CYYR1: variants seen among roughly 807,000 people sequenced by gnomAD.
CYYR1 encodes the protein cysteine and tyrosine rich 1.
A neutral mutation model predicts 15.2 loss-of-function variants in CYYR1; 14 were observed. The ratio of observed to expected loss-of-function variants is 0.92; its 90% CI spans 0.61 to 1.44. The LOEUF (loss-of-function observed/expected upper bound fraction) is 1.44, where lower values mean the gene tolerates loss of function less well. CYYR1 is among the 40% of genes most tolerant of loss of function. The pLI, the probability that CYYR1 is intolerant of heterozygous loss-of-function variation, is 0.00. For missense variants in CYYR1, 228 were observed against 209.5 expected, an observed-to-expected ratio of 1.09 and a Z score of -0.54; for synonymous variants, 80 against 77.4, an observed-to-expected ratio of 1.03 and a Z score of -0.18.
intron 2 of CYYR1, among the ~76,000 whole-genome samples, chr21:26,543,569 C>G (rs1978724779): frequency 6.6e-6 from 1 of 152,170 alleles, no homozygotes. Flanking sequence ...TGAAGTTGCA[C>G]ACAATCATCT....
chr21:26,495,688 C>T (rs528396919), intron 2 of CYYR1, among the ~76,000 whole-genome samples: 3 of 152,264 alleles, frequency 2.0e-5, no homozygotes, highest in Non-Finnish European at 2.9e-5. Flanking sequence ...GAGAGCCACA[C>T]GGGTGAACTG....
intron 2 of CYYR1, among the ~76,000 whole-genome samples, chr21:26,482,702 A>G (rs62216506): frequency 0.39 from 58,596 of 151,948 alleles, 11,780 homozygotes; most frequent in South Asian, 0.45. Flanking sequence ...CTAAACTGCA[A>G]GACATTATTT....
intron 2 of CYYR1, among the ~76,000 whole-genome samples, chr21:26,549,403 T>C (rs1979218376): frequency 6.6e-6 from 1 of 152,204 alleles, no homozygotes; most frequent in East Asian, 1.9e-4. Context: ...CATTTTAATA[T>C]TGTACTCTTT....
chr21:26,476,585 CATCTATCTATCT>C (rs11450529), intron 3 of CYYR1, among the ~76,000 whole-genome samples: 2,180 of 143,836 alleles, frequency 0.015, 46 homozygotes, highest in Non-Finnish European at 0.022. Context: ...CCCTATCTAT[CATCTATCTATCT>C]ATCTATCTAT....
chr21:26,562,799 A>AACACACACACAC (rs57351372), intron 2 of CYYR1, among the ~76,000 whole-genome samples: 9,180 of 132,444 alleles, frequency 0.069, 512 homozygotes, highest in African/African-American at 0.12. Context: ...GACATACACA[A>AACACACACACAC]ACACACACAC....
At chr21:26,478,048 C>A (rs2065125833) in intron 3 of CYYR1, 1 of 1,547,666 alleles carries the variant, frequency 6.5e-7, no homozygotes, top group African/African-American at 1.4e-5. Context: ...CAGCTGAGTG[C>A]CCATTATGTA....
chr21:26,507,688 C>A (rs1309274523), intron 2 of CYYR1, among the ~76,000 whole-genome samples: 1 of 152,162 alleles, frequency 6.6e-6, no homozygotes, highest in Non-Finnish European at 1.5e-5. Flanking sequence ...CAAGTAAGAA[C>A]AAGTTCGATA....
intron 2 of CYYR1, among the ~76,000 whole-genome samples, chr21:26,538,981 T>C (rs1978360572): frequency 2.0e-5 from 3 of 152,274 alleles, no homozygotes; most frequent in South Asian, 4.1e-4. Flanking sequence ...TACTATAATT[T>C]TGAAACAATG....
intron 3 of CYYR1, among the ~76,000 whole-genome samples, chr21:26,468,926 C>A (rs892710475): frequency 2.8e-5 from 4 of 141,656 alleles, no homozygotes; most frequent in Admixed American, 1.5e-4. Flanking sequence ...AGCACTGAAG[C>A]GGGAGAGCCC....
intron 2 of CYYR1, among the ~76,000 whole-genome samples, chr21:26,552,567 C>T (rs1979473414): frequency 6.6e-6 from 1 of 151,880 alleles, no homozygotes; most frequent in African/African-American, 2.4e-5. Flanking sequence ...CCTTTTCTGC[C>T]TTCTTTTCAG....
intron 2 of CYYR1, among the ~76,000 whole-genome samples, chr21:26,549,916 T>C (rs2123680927): frequency 6.6e-6 from 1 of 152,140 alleles, no homozygotes; most frequent in Non-Finnish European, 1.5e-5. Flanking sequence ...GTCAGGTGAG[T>C]TTCAAGAAAC....
At chr21:26,497,492 C>T (rs930369218) in intron 2 of CYYR1, among the ~76,000 whole-genome samples, 1 of 152,266 alleles carries the variant, frequency 6.6e-6, no homozygotes, top group African/African-American at 2.4e-5. Flanking sequence ...GGTTATACAG[C>T]CTTCAGCCCT....
intron 2 of CYYR1, among the ~76,000 whole-genome samples, chr21:26,528,876 G>A (rs1303758865): frequency 6.6e-6 from 1 of 152,094 alleles, no homozygotes; most frequent in East Asian, 1.9e-4. Flanking sequence ...AGAGATGGAG[G>A]AACATTCAAA....
chr21:26,500,009 C>T (rs1315074690), intron 2 of CYYR1, among the ~76,000 whole-genome samples: 3 of 151,968 alleles, frequency 2.0e-5, no homozygotes, highest in South Asian at 2.1e-4. Context: ...ATTTATTTCT[C>T]ATAGTTCTGG....
intron 2 of CYYR1, among the ~76,000 whole-genome samples, chr21:26,535,785 A>G (rs1978295974): frequency 6.6e-6 from 1 of 152,092 alleles, no homozygotes; most frequent in African/African-American, 2.4e-5. Flanking sequence ...CAGGCTCAAG[A>G]GTGGAGTGAA....
At chr21:26,554,359 T>C (rs1385149869) in intron 2 of CYYR1, among the ~76,000 whole-genome samples, 2 of 152,050 alleles carry the variant, frequency 1.3e-5, no homozygotes, top group Non-Finnish European at 2.9e-5. Flanking sequence ...ATAAATCAGG[T>C]TTATATATTT....
intron 2 of CYYR1, among the ~76,000 whole-genome samples, chr21:26,546,705 A>G (rs2123669859): frequency 6.6e-6 from 1 of 152,326 alleles, no homozygotes; most frequent in East Asian, 1.9e-4. Flanking sequence ...ACTGCTGCAA[A>G]ATGCATGACC....
Position 26,565,342 on chromosome 21 carries a change from G to A in CYYR1, c.176+924C>T, listed in dbSNP as rs193207656. 2.6e-5 allele frequency among the ~76,000 whole-genome samples: 4 copies of A among 152,116 alleles called. No homozygotes were observed. In the East Asian group the frequency reaches 5.8e-4, roughly 22 times the overall value. ...TATGACTTAGCGCCTAATGTTTCCC[G>A]TTTCCACTTGAGCCTTTGTAGGGCA... On this transcript the variant is annotated intron_variant, in intron 2 of 3. Coordinates refer to ENST00000652641, the MANE Select transcript of CYYR1 (RefSeq NM_001320768.2).
chr21:26,518,577 C>A (rs1322329567), intron 2 of CYYR1: 1 of 152,506 alleles, frequency 6.6e-6, no homozygotes, highest in East Asian at 1.9e-4. Context: ...GCCAAATAAA[C>A]CTCTTTTCTT....
Sources: allele counts gnomAD v4.1 joint callset (sites outside exome capture counted in the v4.1 genomes callset), GRCh38; gene constraint gnomAD v4.1.1; transcripts MANE v1.5; gene names NCBI Gene and HGNC (gene_info 2026-07-23, HGNC 2026-07-21).